Variants in MYO7A observed in about 807,000 individuals in gnomAD.
The protein encoded by MYO7A is unconventional myosin-VIIa.
MYO7A carries 210 observed loss-of-function variants against 263.8 expected under a neutral mutation model. The observed-to-expected ratio is 0.80, with a 90% CI of 0.71 to 0.89. MYO7A has a LOEUF of 0.89. MYO7A is among the 40% of genes least tolerant of loss of function. The pLI, the probability that MYO7A is intolerant of heterozygous loss-of-function variation, is 0.00. For synonymous variants in MYO7A, 1,239 were observed against 1,197.3 expected, an observed-to-expected ratio of 1.03 and a Z score of -0.72; for missense variants, 2,820 against 2,968.3, an observed-to-expected ratio of 0.95 and a Z score of 1.16.
intron 2 of MYO7A, among the ~76,000 whole-genome samples, chr11:77,135,645 A>C (rs1250014468): frequency 2.0e-5 from 3 of 152,196 alleles, no homozygotes; most frequent in African/African-American, 7.2e-5. Flanking sequence ...AGGAACTGCC[A>C]TAGTGTTTTT....
At chr11:77,170,578 G>C (rs1252977627) in intron 15 of MYO7A, among the ~76,000 whole-genome samples, 2 of 152,148 alleles carry the variant, frequency 1.3e-5, no homozygotes, top group African/African-American at 2.4e-5. Flanking sequence ...GAGTGTAAGG[G>C]TCCCAGGCAC....
Position 77,201,625 on chromosome 11 carries a change from C to T in MYO7A, c.5030C>T (p.Pro1677Leu), listed in dbSNP as rs376977190. ...VYVMPTVTMP[P>L]REIVALVTMT... ...GTCATGCCCACTGTCACCATGCCAC[C>T]GCGGGAGATTGTGGTATGTGGCCTG... The change falls in exon 36 of 49, where the codon CCG (proline) becomes CTG (leucine). Residue 1677 changes from proline (P) to leucine (L), a missense_variant. Physicochemically the swap from Pro to Leu is moderately conservative, Grantham distance 98. Transcript: ENST00000409709. 2.5e-6 allele frequency: 4 copies of T among 1,613,232 alleles called. No individual in the cohort carries two copies. Among genetic ancestry groups the T allele is most frequent in the East Asian group, 2.2e-5 (1 of 44,866 alleles).
intron 8 of MYO7A, among the ~76,000 whole-genome samples, chr11:77,157,768 G>A (rs1424935676): frequency 6.6e-6 from 1 of 152,148 alleles, no homozygotes; most frequent in Non-Finnish European, 1.5e-5. Flanking sequence ...AGGTGTCCCT[G>A]GACACTTTCT....
chr11:77,137,966 G>A (rs1310515748), intron 2 of MYO7A, among the ~76,000 whole-genome samples: 1 of 152,130 alleles, frequency 6.6e-6, no homozygotes, highest in East Asian at 1.9e-4. Flanking sequence ...TAACATCCTC[G>A]TGTTTCCTTC....
Position 77,174,896 on chromosome 11 carries a change from G to A in MYO7A, c.2076G>A (p.Val692=), listed in dbSNP as rs949217330. ...VERYRVLLPG[V]KPAYKQGDLR... is the part of the protein sequence containing the mutation. ...GGTACCGTGTGCTGCTGCCAGGTGT[G>A]AAGCCGGCCTACAAGCAGGTACAGG... Residue 692 remains valine, a synonymous_variant, in exon 17 of 49, where the codon GTG becomes GTA. Coordinates refer to ENST00000409709, the MANE Select transcript of MYO7A (RefSeq NM_000260.4). 6.2e-7 allele frequency: 1 copy of A among 1,613,696 alleles called. No homozygotes were observed. Among genetic ancestry groups the A allele is most frequent in the Non-Finnish European group, 8.5e-7 (1 of 1,179,838 alleles).
chr11:77,161,992 C>T (rs1028206456), intron 12 of MYO7A, 128 bp from the exon 13 acceptor site: 1 of 867,404 alleles, frequency 1.2e-6, no homozygotes, highest in Middle Eastern at 3.5e-4. Flanking sequence ...TTCCCCTCGC[C>T]TCTGAGTTTG....
At chr11:77,191,628 C>G (rs1591421449) in intron 30 of MYO7A, among the ~76,000 whole-genome samples, 1 of 152,186 alleles carries the variant, frequency 6.6e-6, no homozygotes, top group Non-Finnish European at 1.5e-5. Flanking sequence ...GGAGCCTCCT[C>G]GGCTGAGCGG....
rs397516319 is a variant in MYO7A at position 77,205,509 on chromosome 11, T to G, written c.5528T>G (p.Leu1843Arg). The G allele has an allele frequency of 5.0e-6, 8 of 1,599,160 alleles. No homozygotes were observed. The highest frequency in any genetic ancestry group is 6.8e-6 in the Non-Finnish European group (8 of 1,173,686). The change falls in exon 40 of 49, where the codon CTT (leucine) becomes CGT (arginine). Residue 1843 changes from leucine (L) to arginine (R), a missense_variant. By Grantham distance (102) the Leu-to-Arg change is moderately radical. Coordinates refer to ENST00000409709, the MANE Select transcript of MYO7A (RefSeq NM_000260.4). ...GAGCTGCTCTGGCTGTGCACGGGCCTTTTCCCACCCAGCAACATCCTCCTG... is the reference window on the plus strand; with the variant it reads ...GAGCTGCTCTGGCTGTGCACGGGCCGTTTCCCACCCAGCAACATCCTCCTG... Reference protein sequence around the residue: ...GWELLWLCTGLFPPSNILLPH... With the variant: ...GWELLWLCTGRFPPSNILLPH...
rs767000906 is a variant in MYO7A, at chr11:77,192,143, C to T, written c.4017C>T (p.Asn1339=). ...AGGAGCAGGGCGCCCAGGAGCGCAACGCCCCCTGGAGGCTCTTCTTCCGCA... is the reference window on the plus strand; with the variant it reads ...AGGAGCAGGGCGCCCAGGAGCGCAATGCCCCCTGGAGGCTCTTCTTCCGCA... ...YAKEQGAQER[N]APWRLFFRKE... is the part of the protein sequence containing the mutation. Residue 1339 remains asparagine (N), a synonymous_variant, in exon 31 of 49, where the codon AAC becomes AAT. Coordinates refer to ENST00000409709, the MANE Select transcript of MYO7A (RefSeq NM_000260.4). The T allele has an allele frequency of 1.9e-5, 30 of 1,613,856 alleles. No individual in the cohort carries two copies. The highest frequency in any genetic ancestry group is 8.3e-5 in the Admixed American group (5 of 60,012).
chr11:77,147,853 C>G lies in MYO7A; in HGVS notation c.188C>G (p.Ser63Trp). ...CACATCAAGCCTATGCACCCCACGT[C>G]GGTCCACGGCGTGGAGGACATGATC... ...ATHIKPMHPT[S>W]VHGVEDMIRL... The change falls in exon 4 of 49, where the codon TCG (serine) becomes TGG (tryptophan). Residue 63 changes from serine to tryptophan, a missense_variant. Transcript: ENST00000409709. The G allele has an allele frequency of 6.2e-7, 1 of 1,608,792 alleles. No individual in the cohort carries two copies. The highest frequency in any genetic ancestry group is 1.3e-5 in the African/African-American group (1 of 74,976).
chr11:77,142,829 A>C lies in MYO7A; in HGVS notation c.132+7A>C, dbSNP rs376114245. 1 of 1,591,894 alleles carries C rather than the reference A, an allele frequency of 6.3e-7. No individual in the cohort carries two copies. The highest frequency in any genetic ancestry group is 8.6e-7 in the Non-Finnish European group (1 of 1,168,244). On this transcript the variant is annotated splice_region_variant and intron_variant, in intron 3 of 48. Transcript: ENST00000409709. Reference sequence around the variant, plus strand: ...GGTGGATGATGAAGACAATGTGAGTAGTCCCCTCCCTCCTCCTGCCCCATG... The same window carrying C: ...GGTGGATGATGAAGACAATGTGAGTCGTCCCCTCCCTCCTCCTGCCCCATG...
chr11:77,207,650 A>C (rs1957541192), intron 42 of MYO7A, among the ~76,000 whole-genome samples: 1 of 152,104 alleles, frequency 6.6e-6, no homozygotes, highest in Non-Finnish European at 1.5e-5. Flanking sequence ...TGTTCTAAAA[A>C]CACCAGACCC....
At chr11:77,192,305 G>A in intron 31 of MYO7A, 27 bp downstream of exon 31, 1 of 1,606,852 alleles carries the variant, frequency 6.2e-7, no homozygotes, top group South Asian at 1.1e-5. Context: ...CTTCCGCCAG[G>A]CTGGCTTGGC....
rs1226538179 is a variant in MYO7A, at chr11:77,160,257, T to C, written c.1175T>C (p.Leu392Pro). 2 of 1,574,006 alleles carry C rather than the reference T, an allele frequency of 1.3e-6. No homozygotes were observed. Among genetic ancestry groups the C allele is most frequent in the South Asian group, 2.3e-5 (2 of 85,266 alleles). ...VSTPLSREQALDVRDAFVKGI... is the reference protein window; with the variant it reads ...VSTPLSREQAPDVRDAFVKGI... ...ACCCCACTGAGCAGGGAACAGGCAC[T>C]GGACGTGCGCGACGCCTTCGTAAAG... The change falls in exon 11 of 49, where the codon CTG becomes CCG. Residue 392 changes from leucine (L) to proline (P), a missense_variant. Leu to Pro is a moderately conservative substitution (Grantham distance 98, BLOSUM62 -3). Coordinates refer to ENST00000409709, the MANE Select transcript of MYO7A (RefSeq NM_000260.4).
At chr11:77,179,159 A>T (rs1555082191) in intron 20 of MYO7A, 30 bp downstream of exon 20, 1 of 1,563,776 alleles carries the variant, frequency 6.4e-7, no homozygotes, top group Non-Finnish European at 8.7e-7. Flanking sequence ...GCTCTTGCCC[A>T]AACAGGCCTT....
chr11:77,213,930 C>T lies in MYO7A; in HGVS notation c.6509C>T (p.Thr2170Ile), dbSNP rs544709413. Residue 2170 changes from threonine (T) to isoleucine (I), a missense_variant, in exon 48 of 49, where the codon ACC becomes ATC. Physicochemically the swap from Thr to Ile is moderately conservative, Grantham distance 89 (BLOSUM62 -1). Coordinates refer to ENST00000409709, the MANE Select transcript of MYO7A (RefSeq NM_000260.4). ...WSSGNTYFHITIGNLVRGSKL... is the reference protein window; with the variant it reads ...WSSGNTYFHIIIGNLVRGSKL... The stretch of plus-strand genomic sequence containing the variant: ...AGCGGCAACACCTACTTCCACATCA[C>T]CATTGGGAACTTGGTGCGCGGGAGC... The T allele has an allele frequency of 1.4e-4, 229 of 1,614,090 alleles. 1 individual carries two copies. The South Asian group carries it at 2.3e-3, about 16-fold the overall frequency.
rs1349552565 is a variant in MYO7A at position 77,160,151 on chromosome 11, T to G, written c.1081-12T>G. 1.9e-6 allele frequency: 3 copies of G among 1,551,644 alleles called. No individual in the cohort carries two copies. Among genetic ancestry groups the G allele is most frequent in the Non-Finnish European group, 2.6e-6 (3 of 1,148,252 alleles). Reference sequence around the variant, plus strand: ...GCTGGCAGGTGAGCACCTGGGGTGTTGCCTGTACCAGGTGAACCCCCCAGA... The same window carrying G: ...GCTGGCAGGTGAGCACCTGGGGTGTGGCCTGTACCAGGTGAACCCCCCAGA... On this transcript the variant is annotated splice_polypyrimidine_tract_variant and intron_variant, in intron 10 of 48. Coordinates refer to ENST00000409709, the MANE Select transcript of MYO7A (RefSeq NM_000260.4).
chr11:77,147,740 C>A, intron 3 of MYO7A, 58 bp from the exon 4 acceptor site: 1 of 1,588,692 alleles, frequency 6.3e-7, no homozygotes, highest in Non-Finnish European at 8.6e-7. Context: ...CGGCCCCTTC[C>A]CCTGAAGTGC....
intron 22 of MYO7A, among the ~76,000 whole-genome samples, chr11:77,180,940 T>G (rs1555083735): frequency 6.6e-6 from 1 of 152,242 alleles, no homozygotes; most frequent in East Asian, 1.9e-4. Flanking sequence ...TTTTATAATA[T>G]GGATTACATG....
Sources: gnomAD v4.1 joint callset for allele counts (sites outside exome capture counted in the v4.1 genomes callset) on GRCh38, gnomAD v4.1.1 for gene constraint, MANE v1.5 for transcripts, NCBI Gene and HGNC (gene_info 2026-07-23, HGNC 2026-07-21) for gene names.